The following KIF20B variants were observed in gnomAD, a reference collection of about 807,000 sequenced individuals.
KIF20B encodes kinesin-like protein KIF20B.
Under a neutral mutation model 232.5 loss-of-function variants are expected in KIF20B, and 188 were observed. That is an observed-to-expected ratio of 0.81 (90% CI 0.72 to 0.91). The LOEUF is 0.91. Among genes scored for constraint, KIF20B ranks in the 40% least tolerant of loss-of-function variants. The probability of loss-of-function intolerance (pLI) is 0.00; values close to 1 mark genes in which losing one functional copy is unlikely to be tolerated. For synonymous variants in KIF20B, 712 were observed against 683.0 expected (o/e 1.04, Z -0.66); for missense variants, 2,154 against 2,055.9 (o/e 1.05, Z -0.92).
At position 89,729,149 on chromosome 10, in the gene KIF20B, A is replaced by C. The variant is rs1564663971; in HGVS notation, c.2293A>C (p.Arg765=). 1 of 1,432,364 alleles carries C rather than the reference A, an allele frequency of 7.0e-7. No individual in the cohort carries two copies. The highest frequency in any genetic ancestry group is 9.4e-7 in the Non-Finnish European group (1 of 1,068,556). The allele number at this position is 1,432,364 out of a possible 1,614,324, so 88.7% of individuals were successfully genotyped here. The change falls in exon 18 of 33, where the codon AGA becomes CGA. Residue 765 remains arginine, a synonymous_variant. Coordinates refer to ENST00000371728, the MANE Select transcript of KIF20B (RefSeq NM_001284259.2). Reference sequence around the variant, plus strand: ...AAAGAAAATAATTACACAGAATCAAAGAATTAAAGAATTGATAAATATAAT... The same window carrying C: ...AAAGAAAATAATTACACAGAATCAACGAATTAAAGAATTGATAAATATAAT... ...SNKKIITQNQ[R]IKELINIIDQ...
intron 11 of KIF20B, among the ~76,000 whole-genome samples, 158 bp from the exon 12 acceptor site, chr10:89,718,552 A>G (rs181745331): frequency 2.1e-4 from 32 of 152,314 alleles, no homozygotes; most frequent in Non-Finnish European, 4.0e-4. Flanking sequence ...AAAGATAAAA[A>G]GAAAACTGAG....
rs1843362011 is a variant in KIF20B at position 89,733,010 on chromosome 10, A to G, written c.2499A>G (p.Arg833=). The G allele has an allele frequency of 1.2e-6, 2 of 1,613,710 alleles. No individual in the cohort carries two copies. The highest frequency in any genetic ancestry group is 1.7e-6 in the Non-Finnish European group (2 of 1,179,802). ...CTAAAATCTGTTCAGAAAGAAAAAG[A>G]GTAAATGAAAATGAACTTCAGCAAG... ...SKSKICSERK[R]VNENELQQDE... Residue 833 remains arginine, a synonymous_variant, in exon 19 of 33, where the codon AGA becomes AGG. Transcript: ENST00000371728.
At chr10:89,742,699 CTTTT>C (rs34668146) in intron 21 of KIF20B, among the ~76,000 whole-genome samples, 1 of 118,248 alleles carries the variant, frequency 8.5e-6, no homozygotes, top group Non-Finnish European at 1.7e-5. Flanking sequence ...ATCTTCAAGC[CTTTT>C]TTTTTTTTTT....
At chr10:89,754,443 A>G (rs1842079890) in intron 25 of KIF20B, 75 bp from the exon 26 acceptor site, 4 of 929,506 alleles carry the variant, frequency 4.3e-6, no homozygotes, top group Admixed American at 3.2e-5. Flanking sequence ...AATGGATTGT[A>G]TGAAAATGTT....
chr10:89,743,595 T>C (rs1393109271), intron 21 of KIF20B, among the ~76,000 whole-genome samples: 1 of 152,120 alleles, frequency 6.6e-6, no homozygotes, highest in Non-Finnish European at 1.5e-5. Flanking sequence ...AGAAATTGAG[T>C]TTTTCATATG....
chr10:89,725,477 A>G (rs530485361), intron 15 of KIF20B, among the ~76,000 whole-genome samples: 1 of 152,312 alleles, frequency 6.6e-6, no homozygotes, highest in South Asian at 2.1e-4. Flanking sequence ...AAAGAATTTT[A>G]AAGGTGTAAG....
At chr10:89,708,700 A>T (rs956028139) in intron 2 of KIF20B, among the ~76,000 whole-genome samples, 4 of 152,004 alleles carry the variant, frequency 2.6e-5, no homozygotes, top group African/African-American at 7.2e-5. Context: ...TTACTTTTTT[A>T]AAAAAACATT....
At chr10:89,738,752 G>T in intron 20 of KIF20B, 135 bp downstream of exon 20, 1 of 1,234,120 alleles carries the variant, frequency 8.1e-7, no homozygotes, top group Non-Finnish European at 1.1e-6. Context: ...CTTGAACTTT[G>T]TCCATATAAA....
Position 89,714,934 on chromosome 10 carries a change from TTC to T in KIF20B, c.713-19_713-18del. On this transcript the variant is annotated intron_variant, in intron 7 of 32. Transcript: ENST00000371728. ...AGTTGCTTACTTTCGTGATTGTTTT[TTC>T]TTTTTCTTTTTTTTGTAGGAAGTTT... is the stretch of plus-strand genomic sequence containing the variant. 1.4e-6 allele frequency: 2 copies of T among 1,392,118 alleles called. No homozygotes were observed. Among genetic ancestry groups the T allele is most frequent in the Non-Finnish European group, 2.0e-6 (2 of 1,020,918 alleles). The allele number at this position is 1,392,118 out of a possible 1,614,324, so 86.2% of individuals were successfully genotyped here.
At chr10:89,734,796 G>A (rs1468229788) in intron 19 of KIF20B, among the ~76,000 whole-genome samples, 2 of 152,140 alleles carry the variant, frequency 1.3e-5, no homozygotes, top group African/African-American at 2.4e-5. Context: ...TTTGACGTTT[G>A]GCTCTTAAGG....
chr10:89,767,562 C>G (rs566155664), intron 29 of KIF20B, among the ~76,000 whole-genome samples: 1 of 151,974 alleles, frequency 6.6e-6, no homozygotes, highest in Admixed American at 6.6e-5. Context: ...TCTTCTTGCC[C>G]CCTTTTTCCT....
intron 11 of KIF20B, among the ~76,000 whole-genome samples, chr10:89,718,246 A>T (rs1235865256): frequency 1.3e-5 from 2 of 152,130 alleles, no homozygotes; most frequent in Non-Finnish European, 2.9e-5. Flanking sequence ...ACAAACAGCC[A>T]GGCATGGTGG....
Position 89,773,443 on chromosome 10 carries a change from A to G in KIF20B, c.5386-528A>G, listed in dbSNP as rs181893719. ...AAAATCAGGAGAAACCTTTTTTGCC[A>G]CAAGAGCTTTCAGATATGAGATTGA... On this transcript the variant is annotated intron_variant, in intron 32 of 32. Coordinates refer to ENST00000371728, the MANE Select transcript of KIF20B (RefSeq NM_001284259.2). Among the ~76,000 whole-genome samples the G allele has an allele frequency of 9.9e-5, 15 of 152,068 alleles. No homozygotes were observed. In the East Asian group the frequency reaches 2.9e-3, roughly 29 times the overall value.
chr10:89,748,312 A>G (rs1190702041), intron 23 of KIF20B, among the ~76,000 whole-genome samples: 3 of 152,136 alleles, frequency 2.0e-5, no homozygotes, highest in Non-Finnish European at 4.4e-5. Context: ...GCCTGGCCAC[A>G]AAATTTCTTT....
Position 89,710,065 on chromosome 10 carries a change from G to A in KIF20B, c.490G>A (p.Gly164Arg). Residue 164 changes from glycine (G) to arginine (R), a missense_variant and splice_region_variant, in exon 5 of 33, where the codon GGG becomes AGG. Physicochemically the swap from Gly to Arg is moderately radical, Grantham distance 125. Transcript: ENST00000371728. ...TNSGKTYTFQ[G>R]TEENIGILPR... is the part of the protein sequence containing the mutation. ...TTCAGGAAAAACATATACATTTCAA[G>A]GTAAATATTGTTTTATTTTGGTTGG... 6.3e-7 allele frequency: 1 copy of A among 1,595,094 alleles called. No individual in the cohort carries two copies.
chr10:89,721,175 A>T (rs974527414), intron 13 of KIF20B, among the ~76,000 whole-genome samples: 23 of 152,304 alleles, frequency 1.5e-4, no homozygotes, highest in African/African-American at 5.3e-4. Context: ...TAGAACGATG[A>T]TGTATTAGGC....
At chr10:89,717,155 G>A (rs922351049) in intron 9 of KIF20B, among the ~76,000 whole-genome samples, 19 of 152,034 alleles carry the variant, frequency 1.2e-4, no homozygotes, top group Non-Finnish European at 2.1e-4. Context: ...ACAAAATGTC[G>A]CTTTATTATA....
At chr10:89,729,999 G>T (rs1459100072) in intron 18 of KIF20B, among the ~76,000 whole-genome samples, 1 of 152,112 alleles carries the variant, frequency 6.6e-6, no homozygotes, top group Non-Finnish European at 1.5e-5. Context: ...AAAGAAGCAG[G>T]CGTGGTATCT....
In KIF20B at chr10:89,729,078, A is replaced by G. The variant is rs143676526; in HGVS notation, c.2272-50A>G. 2.1e-3 allele frequency: 2,608 copies of G among 1,268,360 alleles called. 5 individuals are homozygous for G. Among genetic ancestry groups the G allele is most frequent in the Middle Eastern group, 8.3e-3 (32 of 3,846 alleles). 78.6% of individuals were successfully genotyped at this position (1,268,360 alleles called of 1,614,324 possible). On this transcript the variant is annotated intron_variant, in intron 17 of 32. Coordinates refer to ENST00000371728, the MANE Select transcript of KIF20B (RefSeq NM_001284259.2). ...GCATTATTAATCATATTTGCATTCT[A>G]GTTATCCTAAAGTATATTCATGAAA...
Sources: allele counts gnomAD v4.1 joint callset (sites outside exome capture counted in the v4.1 genomes callset), GRCh38; gene constraint gnomAD v4.1.1; transcripts MANE v1.5; gene names NCBI Gene and HGNC (gene_info 2026-07-23, HGNC 2026-07-21).